Variants in DIPK2B observed in about 807,000 individuals in gnomAD.
The protein encoded by DIPK2B is divergent protein kinase domain 2B.
A neutral mutation model predicts 22.2 loss-of-function variants in DIPK2B; 15 were observed. That is an observed-to-expected ratio of 0.68 (90% CI 0.45 to 1.04). DIPK2B has a LOEUF of 1.04. Among genes scored for constraint, DIPK2B ranks in the 50% least tolerant of loss-of-function variants. DIPK2B has a pLI of 0.00. For synonymous variants in DIPK2B, 163 were observed against 153.2 expected, an observed-to-expected ratio of 1.06 and a Z score of -0.47; for missense variants, 345 against 348.3, an observed-to-expected ratio of 0.99 and a Z score of 0.08.
At chrX:45,158,572 A>G (rs1474910827) in intron 2 of DIPK2B, among the ~76,000 whole-genome samples, 2 of 108,442 alleles carry the variant, frequency 1.8e-5, no homozygotes, top group Non-Finnish European at 3.8e-5. Flanking sequence ...TTTTTCTCTC[A>G]TGACTTTCTA....
Position 45,151,389 on chromosome X carries a change from A to C in DIPK2B, c.*263T>G. ...TCACCCTCAGGAGAGTCTGGTGGAG[A>C]ACAGAGGAAACTGAGGCTCAAAGAC... On this transcript the variant is annotated 3_prime_UTR_variant, in exon 5 of 5. Coordinates refer to ENST00000398000, the MANE Select transcript of DIPK2B (RefSeq NM_176819.4). The C allele has an allele frequency of 2.6e-6, 1 of 389,381 alleles. No individual in the cohort carries two copies. The highest frequency in any genetic ancestry group is 4.5e-6 in the Non-Finnish European group (1 of 224,441). 32.1% of individuals were successfully genotyped at this position (389,381 alleles called of 1,213,427 possible).
chrX:45,165,250 C>T (rs190929350), intron 2 of DIPK2B, among the ~76,000 whole-genome samples: 2,730 of 111,595 alleles, frequency 0.024, 91 homozygotes, highest in African/African-American at 0.085. Flanking sequence ...CCCATCACTC[C>T]TCAGATGGCT....
chrX:45,174,144 T>C (rs1470206349), intron 2 of DIPK2B, among the ~76,000 whole-genome samples: 2 of 111,521 alleles, frequency 1.8e-5, no homozygotes, highest in Non-Finnish European at 3.8e-5. Context: ...GTCACTAGGC[T>C]CAATGGTCCT....
chrX:45,185,597 T>C (rs780955491), intron 2 of DIPK2B, among the ~76,000 whole-genome samples: 19 of 109,973 alleles, frequency 1.7e-4, no homozygotes, highest in African/African-American at 5.9e-4. Context: ...TTTCTCAACT[T>C]GTCTGTGTCA....
In DIPK2B at chrX:45,175,576, T is replaced by C. The variant is rs180946960; in HGVS notation, c.498+16175A>G. 3.2e-4 allele frequency among the ~76,000 whole-genome samples: 32 copies of C among 100,664 alleles called. No homozygotes were observed. The East Asian group carries it at 0.01, about 32-fold the overall frequency. 87.4% of individuals were successfully genotyped at this position (100,664 alleles called of 115,157 possible). A position where few individuals can be genotyped will look rare whatever the true frequency, so the allele number is the denominator to read the frequency against. ...CACCTATTTTTTGTGTTTAAATATA[T>C]ATACGTATATGTTTAAATATATATA... On this transcript the variant is annotated intron_variant, in intron 2 of 4. Coordinates refer to ENST00000398000, the MANE Select transcript of DIPK2B (RefSeq NM_176819.4).
chrX:45,172,030 G>A (rs2047085038), intron 2 of DIPK2B, among the ~76,000 whole-genome samples: 2 of 111,814 alleles, frequency 1.8e-5, no homozygotes, highest in South Asian at 7.5e-4. Context: ...ATGAGGTAAT[G>A]TTGGAGGAGC....
intron 2 of DIPK2B, among the ~76,000 whole-genome samples, chrX:45,176,112 C>T (rs891190919): frequency 9.1e-6 from 1 of 110,281 alleles, no homozygotes; most frequent in Admixed American, 9.7e-5. Context: ...CTGACGGCCC[C>T]CTGAGCTGTG....
intron 2 of DIPK2B, among the ~76,000 whole-genome samples, chrX:45,184,455 G>A (rs954084357): frequency 1.8e-5 from 2 of 111,922 alleles, no homozygotes; most frequent in African/African-American, 3.3e-5. Context: ...TATGACATAT[G>A]TGTAATTCAG....
chrX:45,163,820 T>C (rs2047034127), intron 2 of DIPK2B: 1 of 791,149 alleles, frequency 1.3e-6, no homozygotes. Flanking sequence ...AGAATTGCCC[T>C]AGCTCCTTAT....
Position 45,150,333 on chromosome X carries a change from G to A in DIPK2B, c.*1319C>T, listed in dbSNP as rs1436883284. Reference sequence around the variant, plus strand: ...GGCCAGGGCAAGAGTGTACATGGAAGCCTACATACCATGTGGCTAAATATT... The same window carrying A: ...GGCCAGGGCAAGAGTGTACATGGAAACCTACATACCATGTGGCTAAATATT... On this transcript the variant is annotated 3_prime_UTR_variant, in exon 5 of 5. Transcript: ENST00000398000. 3 of 112,175 alleles carry A rather than the reference G, an allele frequency of 2.7e-5. No homozygotes were observed. Among genetic ancestry groups the A allele is most frequent in the East Asian group, 5.6e-4 (2 of 3,589 alleles). 9.2% of individuals were successfully genotyped at this position (112,175 alleles called of 1,213,427 possible).
rs1296770586 is a variant in DIPK2B at position 45,151,141 on chromosome X, GC to G, written c.*510del. ...CAGGGCCATAGGGAGCAGGAAGGGGGCCCCTCTTGTCCGAGTCTAAAGTGGT... is the reference window on the plus strand; with the variant it reads ...CAGGGCCATAGGGAGCAGGAAGGGGGCCCTCTTGTCCGAGTCTAAAGTGGT... On this transcript the variant is annotated 3_prime_UTR_variant, in exon 5 of 5. Coordinates refer to ENST00000398000, the MANE Select transcript of DIPK2B (RefSeq NM_176819.4). The G allele has an allele frequency of 8.8e-6, 1 of 114,019 alleles. No individual in the cohort carries two copies. Among genetic ancestry groups the G allele is most frequent in the Non-Finnish European group, 1.8e-5 (1 of 55,175 alleles). The allele number at this position is 114,019 out of a possible 1,213,427, so 9.4% of individuals were successfully genotyped here. A position where few individuals can be genotyped will look rare whatever the true frequency, so the allele number is the denominator to read the frequency against.
intron 3 of DIPK2B, among the ~76,000 whole-genome samples, chrX:45,155,961 CTTTTTTTT>C (rs757375184): frequency 1.8e-5 from 1 of 55,254 alleles, no homozygotes; most frequent in Non-Finnish European, 3.1e-5. Flanking sequence ...AAGGGGACCT[CTTTTTTTT>C]TTTTTTTTTT....
At position 45,176,529 on chromosome X, in the gene DIPK2B, A is replaced by G. The variant is rs149922387; in HGVS notation, c.498+15222T>C. On this transcript the variant is annotated intron_variant, in intron 2 of 4. Transcript: ENST00000398000. Reference sequence around the variant, plus strand: ...AAATGACTACCTGCTGGATCTAAAAACATGATGGTATGAAGAAAGTCTCCA... The same window carrying G: ...AAATGACTACCTGCTGGATCTAAAAGCATGATGGTATGAAGAAAGTCTCCA... Among the ~76,000 whole-genome samples the G allele has an allele frequency of 3.5e-3, 398 of 112,204 alleles. 3 individuals are homozygous for G. The highest frequency in any genetic ancestry group is 0.012 in the African/African-American group (381 of 30,880).
At chrX:45,176,246 G>A (rs139329713) in intron 2 of DIPK2B, among the ~76,000 whole-genome samples, 4 of 109,514 alleles carry the variant, frequency 3.7e-5, no homozygotes, top group East Asian at 5.7e-4. Context: ...AACAATGAAC[G>A]TCAAGAATGA....
intron 4 of DIPK2B, 74 bp downstream of exon 4, chrX:45,153,836 T>C: frequency 1.0e-6 from 1 of 984,330 alleles, no homozygotes; most frequent in Non-Finnish European, 1.4e-6. Flanking sequence ...GCATGACCCC[T>C]GGCCACCCCT....
intron 2 of DIPK2B, chrX:45,163,023 C>T: frequency 3.1e-6 from 2 of 639,254 alleles, no homozygotes; most frequent in Non-Finnish European, 1.9e-6. Context: ...AGGCTGTATT[C>T]CCCAGTTATT....
intron 2 of DIPK2B, among the ~76,000 whole-genome samples, chrX:45,168,135 A>G (rs1372433464): frequency 8.9e-6 from 1 of 112,560 alleles, no homozygotes; most frequent in Non-Finnish European, 1.9e-5. Flanking sequence ...TAGCTCCCAA[A>G]TCGTTTCAAT....
At chrX:45,163,523 G>A (rs887288632) in intron 2 of DIPK2B, 3 of 752,403 alleles carry the variant, frequency 4.0e-6, no homozygotes, top group African/African-American at 4.6e-5. Context: ...TTTGACCTGC[G>A]ATTGGCTTTC....
chrX:45,164,322 G>T, intron 2 of DIPK2B: 11 of 1,081,956 alleles, frequency 1.0e-5, no homozygotes, highest in Non-Finnish European at 1.3e-5. Context: ...AATTTTCGCA[G>T]CTCTGGCTGT....
Sources: allele counts gnomAD v4.1 joint callset (sites outside exome capture counted in the v4.1 genomes callset), GRCh38; gene constraint gnomAD v4.1.1; transcripts MANE v1.5; gene names NCBI Gene and HGNC (gene_info 2026-07-23, HGNC 2026-07-21).